IPO8: variants seen among roughly 807,000 people sequenced by gnomAD.
IPO8 encodes the protein importin-8.
A neutral mutation model predicts 141.2 loss-of-function variants in IPO8; 65 were observed. That is an observed-to-expected ratio of 0.46 (90% confidence interval 0.38 to 0.57). The LOEUF is 0.57. IPO8 is among the 20% of genes least tolerant of loss of function. IPO8 has a pLI of 0.00. For missense variants in IPO8, 980 were observed against 1,246.8 expected (o/e 0.79, Z 3.22); for synonymous variants, 411 against 420.3 (o/e 0.98, Z 0.27).
In IPO8 at chr12:30,639,608, T is replaced by C. The variant is rs757971515; in HGVS notation, c.2396A>G (p.His799Arg). Residue 799 changes from histidine (H) to arginine (R), a missense_variant, in exon 21 of 25, where the codon CAT becomes CGT. His to Arg is a conservative substitution (Grantham distance 29). Transcript: ENST00000256079. ...ALYYNPDLLL[H>R]TLERIQLPHN... ...AGGCAACTGAATTCGTTCTAAAGTA[T>C]GTAGCAGCAAATCAGGGTTGTAGTA... 14 of 1,614,026 alleles carry C rather than the reference T, an allele frequency of 8.7e-6. No homozygotes were observed. In the South Asian group the frequency reaches 1.1e-4, roughly 13 times the overall value.
chr12:30,646,208 G>A (rs1328040985), intron 20 of IPO8, among the ~76,000 whole-genome samples: 2 of 152,142 alleles, frequency 1.3e-5, no homozygotes, highest in Non-Finnish European at 2.9e-5. Flanking sequence ...TTTAAAATCT[G>A]AAAATCAATT....
At chr12:30,650,232 G>C (rs962465601) in intron 19 of IPO8, among the ~76,000 whole-genome samples, 3 of 151,798 alleles carry the variant, frequency 2.0e-5, no homozygotes, top group East Asian at 1.9e-4. Context: ...TAAAATTTAA[G>C]AAAAATTAAT....
At position 30,671,115 on chromosome 12, in the gene IPO8, T is replaced by G; in HGVS notation, c.910-19A>C. On this transcript the variant is annotated intron_variant, in intron 8 of 24. Coordinates refer to ENST00000256079, the MANE Select transcript of IPO8 (RefSeq NM_006390.4). ...GTAGCACCTATAAGAAAACAGAAAA[T>G]ACAGACTAACATAAACAATTATAAG... The G allele has an allele frequency of 6.6e-7, 1 of 1,519,892 alleles. No individual in the cohort carries two copies. The allele number at this position is 1,519,892 out of a possible 1,614,324, so 94.2% of individuals were successfully genotyped here.
chr12:30,663,790 T>C (rs1049086979), intron 13 of IPO8, 136 bp from the exon 14 acceptor site: 3 of 572,412 alleles, frequency 5.2e-6, no homozygotes, highest in Non-Finnish European at 7.9e-6. Flanking sequence ...ACAGTAGCCT[T>C]AGTTTCTAAC....
In IPO8 at chr12:30,674,561, G is replaced by A. The variant is rs185006888; in HGVS notation, c.824+98C>T. 3.2e-3 allele frequency: 2,853 copies of A among 887,438 alleles called. 9 individuals carry two copies. The highest frequency in any genetic ancestry group is 4.8e-3 in the Non-Finnish European group (2,555 of 528,820). 55.0% of individuals were successfully genotyped at this position (887,438 alleles called of 1,614,324 possible). A position where few individuals can be genotyped will look rare whatever the true frequency, so the allele number is the denominator to read the frequency against. On this transcript the variant is annotated intron_variant, in intron 7 of 24. Coordinates refer to ENST00000256079, the MANE Select transcript of IPO8 (RefSeq NM_006390.4). ...GATTAAAATTAAGCTACTTTAAACA[G>A]AGTGACTCTTGGCTCTCGGTGGCTC... is the stretch of plus-strand genomic sequence containing the variant.
intron 4 of IPO8, 42 bp from the exon 5 acceptor site, chr12:30,680,680 C>T (rs1475809760): frequency 6.8e-7 from 1 of 1,468,256 alleles, no homozygotes; most frequent in East Asian, 2.3e-5. Context: ...ATTTTTCCCA[C>T]CCAAAGAACC....
At chr12:30,674,124 C>A in intron 7 of IPO8, 50 bp from the exon 8 acceptor site, 2 of 1,149,914 alleles carry the variant, frequency 1.7e-6, no homozygotes, top group Non-Finnish European at 2.6e-6. Context: ...TTACAAACAG[C>A]ATGCTTGCTA....
Position 30,649,159 on chromosome 12 carries a change from C to A in IPO8, c.2246G>T (p.Cys749Phe). The change falls in exon 20 of 25, where the codon TGC (cysteine) becomes TTC (phenylalanine). Residue 749 changes from cysteine (C) to phenylalanine (F), a missense_variant. Cys to Phe is a radical substitution (Grantham distance 205). Coordinates refer to ENST00000256079, the MANE Select transcript of IPO8 (RefSeq NM_006390.4). ...AKLLEVIILQ[C>F]KGRGIDQCIP... ...TACCTGATCAATTCCCCTTCCTTTG[C>A]ACTGAAGAATGATGACTTCCAGAAG... The A allele has an allele frequency of 6.2e-7, 1 of 1,612,778 alleles. No individual in the cohort carries two copies. Among genetic ancestry groups the A allele is most frequent in the Non-Finnish European group, 8.5e-7 (1 of 1,178,956 alleles).
intron 2 of IPO8, 115 bp from the exon 3 acceptor site, chr12:30,684,572 T>C: frequency 2.1e-6 from 2 of 963,204 alleles, no homozygotes; most frequent in East Asian, 2.5e-5. Flanking sequence ...CCAGCAAAAA[T>C]GGATACTCTT....
chr12:30,654,639 A>G (rs1007151349), intron 17 of IPO8, among the ~76,000 whole-genome samples: 2 of 152,102 alleles, frequency 1.3e-5, no homozygotes, highest in Admixed American at 6.6e-5. Flanking sequence ...ACTAATCATC[A>G]GGGAAATGCA....
chr12:30,656,311 T>C (rs2052799547), intron 17 of IPO8, among the ~76,000 whole-genome samples: 1 of 152,208 alleles, frequency 6.6e-6, no homozygotes, highest in South Asian at 2.1e-4. Flanking sequence ...CTACTGAGAT[T>C]ACAGGTGTGA....
chr12:30,663,715 C>T, intron 13 of IPO8, 61 bp from the exon 14 acceptor site: 4 of 1,260,378 alleles, frequency 3.2e-6, no homozygotes, highest in Non-Finnish European at 4.3e-6. Context: ...GTAATAATAT[C>T]ACAGATATAA....
chr12:30,658,717 A>G (rs557447841), intron 16 of IPO8, among the ~76,000 whole-genome samples: 1 of 152,306 alleles, frequency 6.6e-6, no homozygotes, highest in East Asian at 1.9e-4. Context: ...CAAAAGAACT[A>G]TCCCTTAAAT....
intron 17 of IPO8, among the ~76,000 whole-genome samples, chr12:30,655,025 A>G (rs2052779725): frequency 6.6e-6 from 1 of 152,174 alleles, no homozygotes; most frequent in South Asian, 2.1e-4. Context: ...CACCTTAAAA[A>G]AAAAAGAAAA....
At chr12:30,669,392 T>C in intron 9 of IPO8, 110 bp from the exon 10 acceptor site, 1 of 515,384 alleles carries the variant, frequency 1.9e-6, no homozygotes, top group Non-Finnish European at 3.4e-6. Context: ...TTTTCCAAAC[T>C]CTGTGTGTGT....
chr12:30,663,702 T>TCC, intron 13 of IPO8, 48 bp from the exon 14 acceptor site: 2 of 1,356,126 alleles, frequency 1.5e-6, no homozygotes, highest in Non-Finnish European at 2.0e-6. Flanking sequence ...ATTATAGCAT[T>TCC]CTGTAATAAT....
In IPO8 at chr12:30,630,513, C is replaced by T. The variant is rs1357488398; in HGVS notation, c.*347G>A. 3 of 229,016 alleles carry T rather than the reference C, an allele frequency of 1.3e-5. No individual in the cohort carries two copies. Among genetic ancestry groups the T allele is most frequent in the Non-Finnish European group, 2.5e-5 (3 of 119,552 alleles). The allele number at this position is 229,016 out of a possible 1,614,324, so 14.2% of individuals were successfully genotyped here. On this transcript the variant is annotated 3_prime_UTR_variant, in exon 25 of 25. Transcript: ENST00000256079. ...ATGTACAACAGAAGGCACTGTTATC[C>T]GCATAAATCCATTGATTCTGCATGG...
intron 24 of IPO8, 85 bp from the exon 25 acceptor site, chr12:30,631,042 T>C: frequency 1.1e-6 from 1 of 887,720 alleles, no homozygotes. Context: ...AGGAGCCAGA[T>C]TCTTTATATG....
rs2053326151 is a variant in IPO8 at position 30,695,159 on chromosome 12, G to A, written c.84+405C>T. The A allele has an allele frequency of 5.3e-6, 2 of 379,280 alleles. No individual in the cohort carries two copies. The highest frequency in any genetic ancestry group is 4.0e-5 in the South Asian group (2 of 50,202). The allele number at this position is 379,280 out of a possible 1,614,324, so 23.5% of individuals were successfully genotyped here. ...TCCACAGCAACACCTAAAAAGGGCT[G>A]GGTTTGGAAAAAAGCTGAACTCAGA... On this transcript the variant is annotated intron_variant, in intron 1 of 24. Coordinates refer to ENST00000256079, the MANE Select transcript of IPO8 (RefSeq NM_006390.4). This position sits in a 1 kb window ranked among gnomAD's most constrained non-coding sequence, Gnocchi z 4.2.
Sources: allele counts gnomAD v4.1 joint callset (sites outside exome capture counted in the v4.1 genomes callset), GRCh38; gene constraint gnomAD v4.1.1; non-coding constraint Gnocchi (gnomAD v3.1); transcripts MANE v1.5; gene names NCBI Gene and HGNC (gene_info 2026-07-23, HGNC 2026-07-21).